The following CMYA5 variants were observed in gnomAD, a reference collection of about 807,000 sequenced individuals.
CMYA5 encodes cardiomyopathy-associated protein 5.
CMYA5 carries 246 observed loss-of-function variants against 318.9 expected under a neutral mutation model. The ratio of observed to expected loss-of-function variants is 0.77; its 90% confidence interval spans 0.70 to 0.86. The LOEUF (loss-of-function observed/expected upper bound fraction) is 0.86, where lower values mean the gene tolerates loss of function less well. Among genes scored for constraint, CMYA5 ranks in the 40% least tolerant of loss-of-function variants. CMYA5 has a pLI of 0.00. For missense variants in CMYA5, 4,589 were observed against 4,678.2 expected, an observed-to-expected ratio of 0.98 and a Z score of 0.56; for synonymous variants, 1,641 against 1,729.5, an observed-to-expected ratio of 0.95 and a Z score of 1.27.
At chr5:79,739,502 T>C in intron 2 of CMYA5, 99 bp downstream of exon 2, 1 of 983,816 alleles carries the variant, frequency 1.0e-6, no homozygotes, top group Non-Finnish European at 1.4e-6. Flanking sequence ...TATTTGATCA[T>C]TGATCTTTAA....
rs553303518 is a variant in CMYA5, at chr5:79,739,807, A to G, written c.10638+404A>G. 2.0e-5 allele frequency among the ~76,000 whole-genome samples: 3 copies of G among 151,886 alleles called. No individual in the cohort carries two copies. In the South Asian group the frequency reaches 6.2e-4, roughly 32 times the overall value. On this transcript the variant is annotated intron_variant, in intron 2 of 12. Coordinates refer to ENST00000446378, the MANE Select transcript of CMYA5 (RefSeq NM_153610.5). ...AGACCAGCCTGGGCAACATGGGGAG[A>G]CCTTGTCTCTACTAAAAATACAAAA...
At chr5:79,758,610 G>T in intron 6 of CMYA5, 143 bp from the exon 7 acceptor site, 1 of 434,824 alleles carries the variant, frequency 2.3e-6, no homozygotes, top group Non-Finnish European at 4.0e-6. Context: ...GGGGTTGGGG[G>T]TTTGGGGGAA....
chr5:79,778,499 T>A (rs1460160762), intron 9 of CMYA5, among the ~76,000 whole-genome samples: 1 of 152,172 alleles, frequency 6.6e-6, no homozygotes, highest in Non-Finnish European at 1.5e-5. Context: ...GTGCATTTCT[T>A]TTATTAGGTT....
rs1687634968 is a variant in CMYA5, at chr5:79,799,795, C to T, written c.*179C>T. On this transcript the variant is annotated 3_prime_UTR_variant, in exon 13 of 13. Coordinates refer to ENST00000446378, the MANE Select transcript of CMYA5 (RefSeq NM_153610.5). ...ACAAGAAAACCTTGACTTTACAGAG[C>T]AGTGTGTGAGTAAACAGAATGAAAA... 4.4e-6 allele frequency: 3 copies of T among 679,924 alleles called. No homozygotes were observed. Among genetic ancestry groups the T allele is most frequent in the Non-Finnish European group, 7.0e-6 (3 of 428,526 alleles). The allele number at this position is 679,924 out of a possible 1,614,324, so 42.1% of individuals were successfully genotyped here.
intron 1 of CMYA5, among the ~76,000 whole-genome samples, chr5:79,694,643 A>G (rs373941551): frequency 1.7e-4 from 26 of 152,348 alleles, no homozygotes; most frequent in African/African-American, 5.8e-4. Context: ...TAAAATTATT[A>G]GTGACATTCA....
Position 79,737,189 on chromosome 5 carries a change from G to A in CMYA5, c.8424G>A (p.Pro2808=), listed in dbSNP as rs111420205. ...ATGAAACTAAGAGCTCAGAAACACC[G>A]CCATATTTGCTGTCACCTGTAAAAC... The part of the protein sequence containing the change: ...PFDETKSSET[P]PYLLSPVKPQ... Residue 2808 remains proline, a synonymous_variant, in exon 2 of 13, where the codon CCG becomes CCA. Coordinates refer to ENST00000446378, the MANE Select transcript of CMYA5 (RefSeq NM_153610.5). 9.4e-4 allele frequency: 1,509 copies of A among 1,613,292 alleles called. 12 individuals are homozygous for A. In the African/African-American group the frequency reaches 0.018, roughly 19 times the overall value.
At chr5:79,787,348 A>C (rs748089459) in intron 9 of CMYA5, among the ~76,000 whole-genome samples, 24 of 152,232 alleles carry the variant, frequency 1.6e-4, no homozygotes, top group Admixed American at 3.3e-4. Context: ...GACTATGCTT[A>C]GTGAGACAAT....
At chr5:79,791,251 T>C (rs548398192) in intron 11 of CMYA5, among the ~76,000 whole-genome samples, 182 bp downstream of exon 11, 1 of 152,272 alleles carries the variant, frequency 6.6e-6, no homozygotes, top group African/African-American at 2.4e-5. Context: ...CGAGCGATAG[T>C]TCATCACTTG....
chr5:79,711,876 G>C (rs929968060), intron 1 of CMYA5, among the ~76,000 whole-genome samples: 1 of 152,202 alleles, frequency 6.6e-6, no homozygotes, highest in Non-Finnish European at 1.5e-5. Context: ...GGAGCACCCA[G>C]AAATTGAAGA....
At chr5:79,719,638 G>A (rs4704581) in intron 1 of CMYA5, among the ~76,000 whole-genome samples, 68,683 of 151,902 alleles carry the variant, frequency 0.45, 16,593 homozygotes, top group African/African-American at 0.62. Context: ...CCTTCCTACC[G>A]TGCAAAGGGA....
chr5:79,790,805 G>A (rs987612554), intron 10 of CMYA5, among the ~76,000 whole-genome samples, 165 bp from the exon 11 acceptor site: 3 of 152,214 alleles, frequency 2.0e-5, no homozygotes, highest in Non-Finnish European at 4.4e-5. Flanking sequence ...CGGCATCCAC[G>A]AAGGCCTTAT....
In CMYA5 at chr5:79,761,816, G is replaced by A; in HGVS notation, c.11266G>A (p.Val3756Ile). ...TTAATTGTGTCTTATGCTAGAGTTGGTAGAAGAATACAGACTGACAGTGAA... is the reference window on the plus strand; with the variant it reads ...TTAATTGTGTCTTATGCTAGAGTTGATAGAAGAATACAGACTGACAGTGAA... ...PQDDQEVNEL[V>I]EEYRLTVKES... The change falls in exon 8 of 13, where the codon GTA (valine) becomes ATA (isoleucine). Residue 3756 changes from valine (V) to isoleucine (I), a missense_variant. This residue lies in a region of CMYA5 where 2,431 missense variants were observed against 2,495.1 expected (regional missense o/e 0.97). Transcript: ENST00000446378. The A allele has an allele frequency of 1.2e-6, 2 of 1,612,576 alleles. No individual in the cohort carries two copies. The highest frequency in any genetic ancestry group is 1.7e-6 in the Non-Finnish European group (2 of 1,179,226).
chr5:79,722,212 A>G (rs34871604), intron 1 of CMYA5, among the ~76,000 whole-genome samples: 21,783 of 152,266 alleles, frequency 0.14, 1,644 homozygotes, highest in Middle Eastern at 0.18. Flanking sequence ...CAAATAATCT[A>G]TGGGCCATAT....
At position 79,800,190 on chromosome 5, in the gene CMYA5, C is replaced by T. The variant is rs534650414; in HGVS notation, c.*574C>T. ...AAAAGTGCTATATATTAGAAATTTC[C>T]ATTTTGTTAAATAAATGGTTAGAGT... On this transcript the variant is annotated 3_prime_UTR_variant, in exon 13 of 13. Transcript: ENST00000446378. 2.6e-5 allele frequency: 4 copies of T among 152,838 alleles called. No individual in the cohort carries two copies. Among genetic ancestry groups the T allele is most frequent in the African/African-American group, 7.2e-5 (3 of 41,532 alleles). 9.5% of individuals were successfully genotyped at this position (152,838 alleles called of 1,614,324 possible). A position where few individuals can be genotyped will look rare whatever the true frequency, so the allele number is the denominator to read the frequency against.
At chr5:79,795,182 GAGAA>G (rs1829254590) in intron 12 of CMYA5, among the ~76,000 whole-genome samples, 3 of 152,108 alleles carry the variant, frequency 2.0e-5, no homozygotes, top group African/African-American at 7.2e-5. Flanking sequence ...TAGATTCTGG[GAGAA>G]AGAGTGTGTC....
rs774034398 is a variant in CMYA5, at chr5:79,733,723, G to C, written c.4958G>C (p.Gly1653Ala). The C allele has an allele frequency of 6.2e-6, 10 of 1,613,754 alleles. No homozygotes were observed. In the South Asian group the frequency reaches 1.1e-4, roughly 18 times the overall value. ...SDLGRQSGSI[G>A]TKQAKSPITE... is the part of the protein sequence containing the mutation. ...TTAGGTAGACAAAGTGGATCCATAG[G>C]TACAAAACAAGCAAAGTCTCCCATA... The change falls in exon 2 of 13, where the codon GGT (glycine) becomes GCT (alanine). Residue 1653 changes from glycine to alanine, a missense_variant. This residue lies in a region of CMYA5 where 2,132 missense variants were observed against 2,131.3 expected (regional missense o/e 1.00). Coordinates refer to ENST00000446378, the MANE Select transcript of CMYA5 (RefSeq NM_153610.5).
chr5:79,724,311 G>A (rs150331796), intron 1 of CMYA5, among the ~76,000 whole-genome samples: 8 of 152,222 alleles, frequency 5.3e-5, no homozygotes, highest in African/African-American at 1.9e-4. Context: ...CAAGAAGAGC[G>A]AAACTCCATC....
In CMYA5 at chr5:79,729,299, C is replaced by T; in HGVS notation, c.534C>T (p.Thr178=). The T allele has an allele frequency of 6.2e-7, 1 of 1,610,798 alleles. No individual in the cohort carries two copies. Among genetic ancestry groups the T allele is most frequent in the Non-Finnish European group, 8.5e-7 (1 of 1,179,088 alleles). ...TAACTTCAGCAAGCCAGGTACTAACCACGGAGAAAGAGAAGTCATATACTG... is the reference window on the plus strand; with the variant it reads ...TAACTTCAGCAAGCCAGGTACTAACTACGGAGAAAGAGAAGTCATATACTG... ...SPLTSASQVL[T]TEKEKSYTGI... is the part of the protein sequence containing the mutation. The change falls in exon 2 of 13, where the codon ACC becomes ACT. Residue 178 remains threonine, a synonymous_variant. Coordinates refer to ENST00000446378, the MANE Select transcript of CMYA5 (RefSeq NM_153610.5).
At position 79,731,361 on chromosome 5, in the gene CMYA5, G is replaced by A. The variant is rs1827894534; in HGVS notation, c.2596G>A (p.Glu866Lys). The stretch of plus-strand genomic sequence containing the variant: ...ACCACACACAACCGAGATGACTTCT[G>A]AATGCCAGGCCCCACCACTTTCAGC... ...FPPHTTEMTS[E>K]CQAPPLSATP... Residue 866 changes from glutamate (E) to lysine (K), a missense_variant, in exon 2 of 13, where the codon GAA becomes AAA. Glu to Lys is a moderately conservative substitution (Grantham distance 56). This residue lies in a region of CMYA5 where 2,132 missense variants were observed against 2,131.3 expected (regional missense o/e 1.00). Coordinates refer to ENST00000446378, the MANE Select transcript of CMYA5 (RefSeq NM_153610.5). 6.8e-6 allele frequency: 11 copies of A among 1,613,930 alleles called. No homozygotes were observed. The highest frequency in any genetic ancestry group is 9.3e-6 in the Non-Finnish European group (11 of 1,179,884).
Sources: allele counts gnomAD v4.1 joint callset (sites outside exome capture counted in the v4.1 genomes callset), GRCh38; gene constraint gnomAD v4.1.1; regional missense constraint gnomAD v4.1.1; transcripts MANE v1.5; gene names NCBI Gene and HGNC (gene_info 2026-07-23, HGNC 2026-07-21).